Variants in FRAS1 observed in about 807,000 individuals in gnomAD.
FRAS1 encodes the protein extracellular matrix organizing protein FRAS1.
Under a neutral mutation model 435.2 loss-of-function variants are expected in FRAS1, and 290 were observed. The observed-to-expected ratio is 0.67, with a 90% confidence interval of 0.61 to 0.73. The LOEUF (loss-of-function observed/expected upper bound fraction) is 0.73, where lower values mean the gene tolerates loss of function less well. FRAS1 is among the 30% of genes least tolerant of loss of function. The probability of loss-of-function intolerance (pLI) is 0.00; values close to 1 mark genes in which losing one functional copy is unlikely to be tolerated. For synonymous variants in FRAS1, 1,800 were observed against 1,851.0 expected, an observed-to-expected ratio of 0.97 and a Z score of 0.71; for missense variants, 4,860 against 5,001.5, an observed-to-expected ratio of 0.97 and a Z score of 0.85.
chr4:78,145,798 G>T (rs1720394700), intron 2 of FRAS1, among the ~76,000 whole-genome samples: 1 of 152,158 alleles, frequency 6.6e-6, no homozygotes, highest in Non-Finnish European at 1.5e-5. Context: ...GTTGTGGGAA[G>T]CACCCAGTGG....
At chr4:78,277,972 C>T (rs1485214968) in intron 9 of FRAS1, among the ~76,000 whole-genome samples, 1 of 152,068 alleles carries the variant, frequency 6.6e-6, no homozygotes, top group Non-Finnish European at 1.5e-5. Flanking sequence ...CCACTGCCCC[C>T]AGCAAATTTT....
At chr4:78,514,837 C>G (rs540277433) in intron 65 of FRAS1, among the ~76,000 whole-genome samples, 5 of 152,086 alleles carry the variant, frequency 3.3e-5, no homozygotes, top group Admixed American at 3.3e-4. Context: ...GAGGCTGAGG[C>G]GGGTGGATTG....
At chr4:78,344,991 G>A (rs1440705750) in intron 20 of FRAS1, among the ~76,000 whole-genome samples, 1 of 152,082 alleles carries the variant, frequency 6.6e-6, no homozygotes, top group Non-Finnish European at 1.5e-5. Flanking sequence ...GGCAAATATT[G>A]GAAGAATCTA....
chr4:78,456,278 G>T (rs1165519774), intron 47 of FRAS1, among the ~76,000 whole-genome samples: 1 of 151,564 alleles, frequency 6.6e-6, no homozygotes, highest in Non-Finnish European at 1.5e-5. Context: ...AAATGGCTGG[G>T]ATTACAGGCA....
chr4:78,219,123 G>T (rs1723932543), intron 2 of FRAS1, among the ~76,000 whole-genome samples: 1 of 151,844 alleles, frequency 6.6e-6, no homozygotes, highest in Admixed American at 6.6e-5. Context: ...ATTTTTTCAT[G>T]CTATAAACCA....
At chr4:78,520,039 C>A (rs974015100) in intron 67 of FRAS1, among the ~76,000 whole-genome samples, 1 of 152,110 alleles carries the variant, frequency 6.6e-6, no homozygotes, top group African/African-American at 2.4e-5. Context: ...AGGCTCATCC[C>A]CATTACTGTC....
At chr4:78,105,896 G>T (rs936061447) in intron 2 of FRAS1, among the ~76,000 whole-genome samples, 2 of 136,706 alleles carry the variant, frequency 1.5e-5, no homozygotes, top group East Asian at 2.0e-4. Flanking sequence ...TGCGCGCACC[G>T]TGCGCGAGCC....
At chr4:78,484,009 G>A (rs539758369) in intron 58 of FRAS1, among the ~76,000 whole-genome samples, 1 of 151,972 alleles carries the variant, frequency 6.6e-6, no homozygotes, top group South Asian at 2.1e-4. Flanking sequence ...ATGTTGAACA[G>A]TTCCAACACT....
At chr4:78,422,853 C>T (rs1334124872) in intron 34 of FRAS1, among the ~76,000 whole-genome samples, 1 of 152,178 alleles carries the variant, frequency 6.6e-6, no homozygotes, top group Non-Finnish European at 1.5e-5. Context: ...AGTGAGGGTC[C>T]TGCAGTACCT....
chr4:78,483,782 C>CTCTA (rs1553965019), intron 58 of FRAS1, among the ~76,000 whole-genome samples: 4 of 83,276 alleles, frequency 4.8e-5, no homozygotes, highest in Admixed American at 1.4e-4. Flanking sequence ...CTCTCTCTCT[C>CTCTA]TATATATATA....
At chr4:78,113,857 C>T (rs778118671) in intron 2 of FRAS1, among the ~76,000 whole-genome samples, 2 of 152,168 alleles carry the variant, frequency 1.3e-5, no homozygotes, top group Non-Finnish European at 2.9e-5. Context: ...TCAATTTTGG[C>T]TTTTGTTGCC....
chr4:78,468,616 A>G (rs1719610014), intron 50 of FRAS1, among the ~76,000 whole-genome samples: 1 of 152,190 alleles, frequency 6.6e-6, no homozygotes, highest in Admixed American at 6.5e-5. Context: ...GTCTTCTAAC[A>G]TCCAGATATC....
rs1296850441 is a variant in FRAS1, at chr4:78,057,546, AACGCCG to A, written c.-460_-455del. The A allele has an allele frequency of 6.4e-6, 1 of 156,900 alleles. No homozygotes were observed. Among genetic ancestry groups the A allele is most frequent in the African/African-American group, 2.4e-5 (1 of 41,552 alleles). The allele number at this position is 156,900 out of a possible 1,614,324, so 9.7% of individuals were successfully genotyped here. On this transcript the variant is annotated 5_prime_UTR_variant, in exon 1 of 74. Transcript: ENST00000512123. The surrounding 1 kb of genome is among the most constrained non-coding windows in gnomAD (Gnocchi z 4.2). ...TCCCGGCGACCCGCGGTGCCGACGC[AACGCCG>A]ACGTATGGTGCCAAGCGAACTTTAA...
chr4:78,224,252 C>T (rs1357524437), intron 2 of FRAS1, among the ~76,000 whole-genome samples: 3 of 152,188 alleles, frequency 2.0e-5, no homozygotes, highest in African/African-American at 2.4e-5. Context: ...TTTGAAAGAT[C>T]GTGGTCCTTG....
intron 2 of FRAS1, among the ~76,000 whole-genome samples, chr4:78,073,895 G>T (rs896137990): frequency 6.6e-6 from 1 of 152,158 alleles, no homozygotes; most frequent in East Asian, 1.9e-4. Context: ...AAAAATAACT[G>T]AGCAGTTTTA....
chr4:78,449,775 G>GT (rs1348281374), intron 44 of FRAS1, among the ~76,000 whole-genome samples: 1 of 152,190 alleles, frequency 6.6e-6, no homozygotes, highest in Non-Finnish European at 1.5e-5. Flanking sequence ...TCTCAAGACA[G>GT]TAAGTAAACT....
At chr4:78,208,658 A>G (rs1011534319) in intron 2 of FRAS1, among the ~76,000 whole-genome samples, 1 of 152,162 alleles carries the variant, frequency 6.6e-6, no homozygotes, top group African/African-American at 2.4e-5. Flanking sequence ...CAGGAATAAT[A>G]AATTTTTATT....
intron 7 of FRAS1, among the ~76,000 whole-genome samples, chr4:78,265,454 T>C (rs1327539024): frequency 6.6e-6 from 1 of 152,180 alleles, no homozygotes; most frequent in Non-Finnish European, 1.5e-5. Context: ...CTGCTTTGGT[T>C]GGATTTTATG....
chr4:78,232,266 T>C (rs773087821), intron 2 of FRAS1, among the ~76,000 whole-genome samples: 8 of 151,992 alleles, frequency 5.3e-5, no homozygotes, highest in Non-Finnish European at 8.8e-5. Context: ...TTTAGTTCCA[T>C]AGAGATATTA....
Sources: allele counts gnomAD v4.1 joint callset (sites outside exome capture counted in the v4.1 genomes callset), GRCh38; gene constraint gnomAD v4.1.1; non-coding constraint Gnocchi (gnomAD v3.1); transcripts MANE v1.5; gene names NCBI Gene and HGNC (gene_info 2026-07-23, HGNC 2026-07-21).